The following MAMLD1 variants were observed in gnomAD, a reference collection of about 807,000 sequenced individuals.
MAMLD1 encodes mastermind-like domain-containing protein 1.
Under a neutral mutation model 45.0 loss-of-function variants are expected in MAMLD1, and 14 were observed. The ratio of observed to expected loss-of-function variants is 0.31; its 90% confidence interval spans 0.21 to 0.49. The LOEUF (loss-of-function observed/expected upper bound fraction) is 0.49. Among genes scored for constraint, MAMLD1 ranks in the 20% least tolerant of loss-of-function variants. The probability of loss-of-function intolerance (pLI) is 0.99; values close to 1 mark genes in which losing one functional copy is unlikely to be tolerated. For missense variants in MAMLD1, 543 were observed against 603.6 expected, an observed-to-expected ratio of 0.90 and a Z score of 1.05; for synonymous variants, 254 against 247.8, an observed-to-expected ratio of 1.02 and a Z score of -0.24.
At chrX:150,376,876 G>GAA (rs34242695) in intron 1 of MAMLD1, among the ~76,000 whole-genome samples, 2 of 93,264 alleles carry the variant, frequency 2.1e-5, no homozygotes. Context: ...TTTCATTATG[G>GAA]AAAAAAAAAA....
chrX:150,464,614 T>C (rs1348727651), intron 3 of MAMLD1, among the ~76,000 whole-genome samples: 1 of 112,127 alleles, frequency 8.9e-6, no homozygotes, highest in Non-Finnish European at 1.9e-5. Context: ...CTTTCTCTCC[T>C]CCTCGCTCTC....
intron 1 of MAMLD1, among the ~76,000 whole-genome samples, chrX:150,382,237 G>A (rs1032335222): frequency 3.6e-5 from 4 of 111,224 alleles, no homozygotes; most frequent in Non-Finnish European, 7.5e-5. Context: ...TTGTTGAAAA[G>A]GCTATCCCCA....
Position 150,443,461 on chromosome X carries a change from G to T in MAMLD1, c.-63-1993G>T, listed in dbSNP as rs782383865. On this transcript the variant is annotated intron_variant, in intron 1 of 7. Coordinates refer to ENST00000370401, the MANE Select transcript of MAMLD1 (RefSeq NM_005491.5). ...TTAGGGTACATGTGCACAATGTGCA[G>T]GTTAGTTACATATGTATACATGTGC... Among the ~76,000 whole-genome samples, 19 of 104,554 alleles carry T rather than the reference G, an allele frequency of 1.8e-4. No individual in the cohort carries two copies. In the South Asian group the frequency reaches 7.9e-3, roughly 43 times the overall value. The allele number at this position is 104,554 out of a possible 115,157, so 90.8% of individuals were successfully genotyped here. A position where few individuals can be genotyped will look rare whatever the true frequency, so the allele number is the denominator to read the frequency against.
At chrX:150,423,747 T>G (rs1557403688) in intron 1 of MAMLD1, among the ~76,000 whole-genome samples, 1 of 111,392 alleles carries the variant, frequency 9.0e-6, no homozygotes, top group Non-Finnish European at 1.9e-5. Flanking sequence ...CTTAAGGGAA[T>G]TAAGCCTGTA....
intron 5 of MAMLD1, among the ~76,000 whole-genome samples, chrX:150,490,490 T>C (rs2037149557): frequency 8.9e-6 from 1 of 112,425 alleles, no homozygotes; most frequent in Admixed American, 9.4e-5. Flanking sequence ...CATAAGCATC[T>C]AGAGATATTC....
intron 1 of MAMLD1, among the ~76,000 whole-genome samples, chrX:150,433,027 ATTCT>A (rs782106878): frequency 1.8e-5 from 2 of 111,657 alleles, no homozygotes; most frequent in South Asian, 3.7e-4. Context: ...AACAATATTG[ATTCT>A]TTCTATCCAT....
chrX:150,410,567 A>G (rs1455751003), intron 1 of MAMLD1, among the ~76,000 whole-genome samples: 5 of 112,093 alleles, frequency 4.5e-5, no homozygotes, highest in African/African-American at 1.3e-4. Context: ...TCCCTCTGCT[A>G]GGACTGGAAT....
intron 2 of MAMLD1, among the ~76,000 whole-genome samples, chrX:150,459,717 G>A (rs1394476693): frequency 1.8e-5 from 2 of 110,373 alleles, no homozygotes; most frequent in Non-Finnish European, 3.8e-5. Context: ...CTGTCACTTA[G>A]TAAGTATTCC....
At chrX:150,489,610 A>C (rs1205335603) in intron 5 of MAMLD1, among the ~76,000 whole-genome samples, 2 of 107,731 alleles carry the variant, frequency 1.9e-5, no homozygotes, top group Non-Finnish European at 1.9e-5. Flanking sequence ...CTTTTGCACC[A>C]GCCTAATATT....
chrX:150,486,652 C>G (rs782089337), intron 5 of MAMLD1, among the ~76,000 whole-genome samples: 3 of 111,905 alleles, frequency 2.7e-5, no homozygotes, highest in African/African-American at 9.8e-5. Context: ...CCTATTTACC[C>G]CTTTCCCAAA....
At chrX:150,393,976 G>T (rs939430952) in intron 1 of MAMLD1, among the ~76,000 whole-genome samples, 12 of 110,392 alleles carry the variant, frequency 1.1e-4, no homozygotes, top group Non-Finnish European at 2.3e-4. Flanking sequence ...TGTGCCGTTA[G>T]TGTTGTATCT....
chrX:150,395,300 A>C (rs1220735745), intron 1 of MAMLD1, among the ~76,000 whole-genome samples: 1 of 111,829 alleles, frequency 8.9e-6, no homozygotes, highest in Non-Finnish European at 1.9e-5. Flanking sequence ...CATAGTATAT[A>C]ATTGTTTTTA....
intron 6 of MAMLD1, among the ~76,000 whole-genome samples, chrX:150,507,270 T>C (rs1466959122): frequency 8.9e-6 from 1 of 112,669 alleles, no homozygotes; most frequent in Non-Finnish European, 1.9e-5. Flanking sequence ...TCCTGGTCAC[T>C]GAAACCATTT....
At chrX:150,490,260 G>C (rs2037140287) in intron 5 of MAMLD1, among the ~76,000 whole-genome samples, 1 of 112,195 alleles carries the variant, frequency 8.9e-6, no homozygotes, top group African/African-American at 3.2e-5. Flanking sequence ...ACTGGTGGTA[G>C]AATTAGACTG....
At chrX:150,418,725 A>C (rs1345353154) in intron 1 of MAMLD1, among the ~76,000 whole-genome samples, 8 of 85,584 alleles carry the variant, frequency 9.3e-5, no homozygotes, top group Admixed American at 1.4e-4. Context: ...CAGGTTGTTC[A>C]GTTTCCATGT....
intron 1 of MAMLD1, among the ~76,000 whole-genome samples, chrX:150,433,777 TAG>T (rs1569564772): frequency 8.9e-6 from 1 of 111,974 alleles, no homozygotes; most frequent in Non-Finnish European, 1.9e-5. Flanking sequence ...CATGATGAAT[TAG>T]CTTTTTGATG....
Position 150,471,360 on chromosome X carries a change from TGCAGCAGCAGCA to T in MAMLD1, c.1794_1805del (p.Gln603_Gln606del), listed in dbSNP as rs781901620. ...TCCACGGCCACTGCCACCTTGCAGC[TGCAGCAGCAGCA>T]GCAGCAACAGCAGCAGCAGCCTGAC... On this transcript the variant is annotated inframe_deletion, in exon 4 of 8. Coordinates refer to ENST00000370401, the MANE Select transcript of MAMLD1 (RefSeq NM_005491.5). 2.5e-6 allele frequency: 3 copies of T among 1,200,858 alleles called. No homozygotes were observed. In the South Asian group the frequency reaches 5.3e-5, roughly 21 times the overall value.
chrX:150,374,767 G>T (rs1344631277), intron 1 of MAMLD1, among the ~76,000 whole-genome samples: 1 of 111,755 alleles, frequency 8.9e-6, no homozygotes, highest in Non-Finnish European at 1.9e-5. Flanking sequence ...CCTTGAGGAG[G>T]TTCCACATTT....
In MAMLD1 at chrX:150,489,047, G is replaced by T. The variant is rs73615240; in HGVS notation, c.2041-14227G>T. On this transcript the variant is annotated intron_variant, in intron 5 of 7. Transcript: ENST00000370401. ...TTAAAACAACCAATTCATGACTGAG[G>T]TGAAGAAGGAAAATAACAGAAAAAT... Among the ~76,000 whole-genome samples the T allele has an allele frequency of 6.1e-3, 688 of 112,484 alleles. 4 individuals are homozygous for T. Among genetic ancestry groups the T allele is most frequent in the African/African-American group, 0.021 (645 of 30,953 alleles).
Sources: allele counts gnomAD v4.1 joint callset (sites outside exome capture counted in the v4.1 genomes callset), GRCh38; gene constraint gnomAD v4.1.1; transcripts MANE v1.5; gene names NCBI Gene and HGNC (gene_info 2026-07-23, HGNC 2026-07-21).